RAI2: variants seen among roughly 807,000 people sequenced by gnomAD.
The protein encoded by RAI2 is retinoic acid induced 2, also known as retinoic acid-induced protein 2.
RAI2 carries 5 observed loss-of-function variants against 15.3 expected under a neutral mutation model. The observed-to-expected ratio is 0.33, with a 90% CI of 0.17 to 0.69. The LOEUF (loss-of-function observed/expected upper bound fraction) is 0.69. Ranked by LOEUF, RAI2 falls within the 30% of genes least tolerant of loss-of-function variation. RAI2 has a pLI of 0.69. For missense variants in RAI2, 424 were observed against 424.7 expected, an observed-to-expected ratio of 1.00 and a Z score of 0.01; for synonymous variants, 191 against 184.0, an observed-to-expected ratio of 1.04 and a Z score of -0.31.
intron 1 of RAI2, among the ~76,000 whole-genome samples, chrX:17,822,906 T>C (rs1370361836): frequency 8.9e-6 from 1 of 112,735 alleles, no homozygotes; most frequent in African/African-American, 3.2e-5. Flanking sequence ...CTCTCTGTCC[T>C]AAGCCACTCT....
chrX:17,805,848 C>A (rs778387162), intron 1 of RAI2, among the ~76,000 whole-genome samples: 1 of 112,224 alleles, frequency 8.9e-6, no homozygotes, highest in Non-Finnish European at 1.9e-5. Context: ...CTAGTCCCCA[C>A]CAAGTATGGC....
chrX:17,850,819 T>C (rs2067523024), intron 1 of RAI2, among the ~76,000 whole-genome samples: 1 of 112,970 alleles, frequency 8.9e-6, no homozygotes, highest in East Asian at 2.8e-4. Flanking sequence ...CCACTATCTC[T>C]TGATAAGTCG....
chrX:17,833,077 T>C (rs2067299670), intron 1 of RAI2, among the ~76,000 whole-genome samples: 1 of 111,857 alleles, frequency 8.9e-6, no homozygotes, highest in South Asian at 3.8e-4. Context: ...CCATCAATAA[T>C]ACATAAACAG....
rs748349282 is a variant in RAI2 at position 17,801,762 on chromosome X, G to A, written c.249C>T (p.Leu83=). The A allele has an allele frequency of 4.6e-5, 56 of 1,210,244 alleles. No homozygotes were observed. The highest frequency in any genetic ancestry group is 5.5e-5 in the Non-Finnish European group (49 of 895,265). ...VAATVLQPLC[L]GESPVVMPIH... ...TGGGCATCACCACTGGGCTCTCCCC[G>A]AGGCACAGGGGCTGCAACACAGTGG... The change falls in exon 2 of 2, where the codon CTC becomes CTT. Residue 83 remains leucine (L), a synonymous_variant. Transcript: ENST00000451717.
chrX:17,854,531 T>C lies in RAI2; in HGVS notation c.-25+6567A>G, dbSNP rs763857825. On this transcript the variant is annotated intron_variant, in intron 1 of 1. Transcript: ENST00000451717. The stretch of plus-strand genomic sequence containing the variant: ...CAGGCTTAAAGCACGAAGGAAAGAA[T>C]GGCTGACAGCTACACCATTTCAACC... Among the ~76,000 whole-genome samples the C allele has an allele frequency of 1.1e-4, 12 of 112,080 alleles. No individual in the cohort carries two copies. In the East Asian group the frequency reaches 1.4e-3, roughly 13 times the overall value.
chrX:17,855,273 G>T (rs2067587169), intron 1 of RAI2, among the ~76,000 whole-genome samples: 2 of 111,846 alleles, frequency 1.8e-5, no homozygotes, highest in African/African-American at 6.5e-5. Context: ...CCCACTGTCA[G>T]CATGAGGGTG....
At chrX:17,815,272 G>C (rs191394562) in intron 1 of RAI2, among the ~76,000 whole-genome samples, 116 of 110,771 alleles carry the variant, frequency 1.0e-3, no homozygotes, top group Middle Eastern at 9.3e-3. Context: ...CTATTTTATT[G>C]GGGGAAGAGT....
intron 1 of RAI2, among the ~76,000 whole-genome samples, chrX:17,815,674 C>A (rs1359873334): frequency 1.8e-5 from 2 of 111,664 alleles, no homozygotes; most frequent in African/African-American, 6.5e-5. Context: ...GCTGGTGAGG[C>A]TTAGCGGAGA....
intron 1 of RAI2, among the ~76,000 whole-genome samples, chrX:17,858,765 C>T (rs995102150): frequency 8.9e-6 from 1 of 112,647 alleles, no homozygotes; most frequent in Non-Finnish European, 1.9e-5. Context: ...ATCGGCATCG[C>T]TTGGAAAACT....
chrX:17,804,826 T>TGAAA (rs2066959104), intron 1 of RAI2, among the ~76,000 whole-genome samples: 1 of 112,614 alleles, frequency 8.9e-6, no homozygotes, highest in African/African-American at 3.2e-5. Context: ...TAGGTACCAG[T>TGAAA]TCTCATCATT....
At position 17,801,197 on chromosome X, in the gene RAI2, C is replaced by T. The variant is rs141617833; in HGVS notation, c.814G>A (p.Gly272Ser). ...SSFPKPPSSF[G>S]LHPFKGTQTP... is the part of the protein sequence containing the mutation. ...TGGGTGCCTTTAAAGGGGTGCAGGC[C>T]GAAGGAAGATGGTGGCTTGGGGAAA... Residue 272 changes from glycine to serine, a missense_variant, in exon 2 of 2, where the codon GGC becomes AGC. By Grantham distance (56) the Gly-to-Ser change is moderately conservative. Transcript: ENST00000451717. 124 of 1,208,792 alleles carry T rather than the reference C, an allele frequency of 1.0e-4. No homozygotes were observed. The highest frequency in any genetic ancestry group is 5.6e-4 in the South Asian group (32 of 56,679).
chrX:17,814,143 T>G (rs754181329), intron 1 of RAI2, among the ~76,000 whole-genome samples: 3 of 109,546 alleles, frequency 2.7e-5, no homozygotes, highest in South Asian at 8.1e-4. Flanking sequence ...GAAGCCAATT[T>G]ATCAAACAAG....
At position 17,801,226 on chromosome X, in the gene RAI2, G is replaced by A. The variant is rs1187388613; in HGVS notation, c.785C>T (p.Ser262Phe). ...GGAAGATGGTGGCTTGGGGAAACTG[G>A]AGCTGAACTTGGATTCAGAACTCTG... Reference protein sequence around the residue: ...MPQSSESKFSSSFPKPPSSFG... With the variant: ...MPQSSESKFSFSFPKPPSSFG... The change falls in exon 2 of 2, where the codon TCC becomes TTC. Residue 262 changes from serine to phenylalanine, a missense_variant. Transcript: ENST00000451717. 1 of 1,210,546 alleles carries A rather than the reference G, an allele frequency of 8.3e-7. No homozygotes were observed. Among genetic ancestry groups the A allele is most frequent in the Non-Finnish European group, 1.1e-6 (1 of 894,827 alleles).
chrX:17,837,819 C>T (rs1012496406), intron 1 of RAI2: 1 of 111,660 alleles, frequency 9.0e-6, no homozygotes, highest in African/African-American at 3.3e-5. Flanking sequence ...TTGTCAAATG[C>T]TATCACAGGC....
chrX:17,851,156 G>A (rs34182089), intron 1 of RAI2, among the ~76,000 whole-genome samples: 1 of 111,751 alleles, frequency 8.9e-6, no homozygotes. Context: ...TGGCTGTGTC[G>A]AACATGGAAG....
At chrX:17,808,299 G>A in intron 1 of RAI2, among the ~76,000 whole-genome samples, 1 of 110,496 alleles carries the variant, frequency 9.1e-6, no homozygotes, top group Non-Finnish European at 1.9e-5. Context: ...CAGACCCACT[G>A]AATCAGAATC....
At chrX:17,849,618 T>C (rs2067503872) in intron 1 of RAI2, among the ~76,000 whole-genome samples, 1 of 112,939 alleles carries the variant, frequency 8.9e-6, no homozygotes, top group Non-Finnish European at 1.9e-5. Flanking sequence ...TATGATTTCA[T>C]GAGCAGTCAT....
At chrX:17,853,223 T>C (rs1012298162) in intron 1 of RAI2, among the ~76,000 whole-genome samples, 3 of 112,047 alleles carry the variant, frequency 2.7e-5, no homozygotes, top group Admixed American at 1.9e-4. Flanking sequence ...ATTGCCTGCC[T>C]TGAAAAAGTC....
intron 1 of RAI2, chrX:17,837,408 T>C (rs1182069067): frequency 8.9e-6 from 1 of 111,785 alleles, no homozygotes; most frequent in Non-Finnish European, 1.9e-5. Flanking sequence ...AAAAGTAAAT[T>C]GGGTATCTTT....
Sources: gnomAD v4.1 joint callset for allele counts (sites outside exome capture counted in the v4.1 genomes callset) on GRCh38, gnomAD v4.1.1 for gene constraint, MANE v1.5 for transcripts, NCBI Gene and HGNC (gene_info 2026-07-23, HGNC 2026-07-21) for gene names.